The following ATP9B variants were observed in gnomAD, a reference collection of about 807,000 sequenced individuals.
ATP9B encodes the protein ATPase phospholipid transporting 9B.
In ATP9B, 110 loss-of-function variants were observed where a neutral mutation model predicts 146.1. The observed-to-expected ratio is 0.75, with a 90% confidence interval of 0.65 to 0.88. The LOEUF (loss-of-function observed/expected upper bound fraction) is 0.88, where lower values mean the gene tolerates loss of function less well. Among genes scored for constraint, ATP9B ranks in the 40% least tolerant of loss-of-function variants. The pLI is 0.00. For synonymous variants in ATP9B, 604 were observed against 569.7 expected (o/e 1.06, Z -0.86); for missense variants, 1,499 against 1,496.4 (o/e 1.00, Z -0.03).
rs771017994 is a variant in ATP9B, at chr18:79,359,392, T to G, written c.2942T>G (p.Leu981Ter). The change falls in exon 26 of 30, where the codon TTA becomes TGA. Residue 981 changes from leucine to a stop codon, truncating the protein, a stop_gained. Transcript: ENST00000426216. LOFTEE classifies it high-confidence loss of function. ...TACACCATGTTCCCAGTGTTCTCCT[T>G]AGTGCTGGACCAGGACGTGAAGCCA... is the stretch of plus-strand genomic sequence containing the variant. ...TIYTMFPVFS[L>*]VLDQDVKPEM... 6.2e-7 allele frequency: 1 copy of G among 1,614,008 alleles called. No individual in the cohort carries two copies. Among genetic ancestry groups the G allele is most frequent in the South Asian group, 1.1e-5 (1 of 91,084 alleles).
intron 5 of ATP9B, among the ~76,000 whole-genome samples, chr18:79,131,065 G>A (rs1331529699): frequency 6.6e-6 from 1 of 152,182 alleles, no homozygotes; most frequent in Non-Finnish European, 1.5e-5. Context: ...GGAGGCTGAG[G>A]CAGGAGAATC....
intron 7 of ATP9B, among the ~76,000 whole-genome samples, chr18:79,157,396 C>CAAAAAAAAAAAAAAAAAAACAAAAAA (rs2094804216): frequency 2.1e-5 from 1 of 48,596 alleles, no homozygotes. Flanking sequence ...AACTCCATCT[C>CAAAAAAAAAAAAAAAAAAACAAAAAA]AAAAAAAAAA....
In ATP9B at chr18:79,273,196, T is replaced by C. The variant is rs548316437; in HGVS notation, c.1269-3858T>C. Among the ~76,000 whole-genome samples, 484 of 152,212 alleles carry C rather than the reference T, an allele frequency of 3.2e-3. 2 individuals are homozygous for C. The highest frequency in any genetic ancestry group is 0.011 in the African/African-American group (471 of 41,530). On this transcript the variant is annotated intron_variant, in intron 12 of 29. Coordinates refer to ENST00000426216, the MANE Select transcript of ATP9B (RefSeq NM_198531.5). ...CATTGTGTGTCTGTTCATTTCAGGG[T>C]GTTTGTGATGAATCTAAGATATCTC... is the stretch of plus-strand genomic sequence containing the variant.
intron 12 of ATP9B, among the ~76,000 whole-genome samples, chr18:79,275,987 G>A (rs528842055): frequency 3.9e-5 from 6 of 152,198 alleles, no homozygotes; most frequent in Admixed American, 6.5e-5. Context: ...ACTATTTTTC[G>A]AGTGTGTACT....
At chr18:79,236,507 C>T (rs930168688) in intron 11 of ATP9B, among the ~76,000 whole-genome samples, 2 of 152,108 alleles carry the variant, frequency 1.3e-5, no homozygotes, top group African/African-American at 4.8e-5. Context: ...TATTTCTGCA[C>T]TGTAGGTCAT....
At chr18:79,088,792 A>G (rs1407947437) in intron 1 of ATP9B, among the ~76,000 whole-genome samples, 1 of 152,198 alleles carries the variant, frequency 6.6e-6, no homozygotes, top group East Asian at 1.9e-4. Flanking sequence ...TTTCAACATC[A>G]CAGCACAGTG....
intron 13 of ATP9B, among the ~76,000 whole-genome samples, chr18:79,296,347 C>T (rs1161606225): frequency 6.6e-6 from 1 of 152,202 alleles, no homozygotes; most frequent in Non-Finnish European, 1.5e-5. Context: ...GAATTAATAA[C>T]TTAATAACAC....
At position 79,348,115 on chromosome 18, in the gene ATP9B, G is replaced by C. The variant is rs1204436449; in HGVS notation, c.2839-17G>C. On this transcript the variant is annotated splice_polypyrimidine_tract_variant and intron_variant, in intron 24 of 29. Coordinates refer to ENST00000426216, the MANE Select transcript of ATP9B (RefSeq NM_198531.5). ...GTGGAACTGACAGTTGTCTTCGTCT[G>C]TGGGCTCTCTCTCCAGGCTGTGTTT... 6.2e-7 allele frequency: 1 copy of C among 1,614,000 alleles called. No individual in the cohort carries two copies. Among genetic ancestry groups the C allele is most frequent in the African/African-American group, 1.3e-5 (1 of 75,018 alleles).
chr18:79,307,262 C>A, intron 15 of ATP9B, 28 bp downstream of exon 15: 1 of 1,613,134 alleles, frequency 6.2e-7, no homozygotes, highest in Non-Finnish European at 8.5e-7. Context: ...ACCGTGGGAG[C>A]TTGTCCGTTC....
At chr18:79,131,115 C>T (rs932810328) in intron 5 of ATP9B, among the ~76,000 whole-genome samples, 2 of 152,044 alleles carry the variant, frequency 1.3e-5, no homozygotes, top group African/African-American at 4.8e-5. Context: ...GAGCTGAGAT[C>T]GTGCCACTGC....
At chr18:79,170,242 G>A (rs942171299) in intron 7 of ATP9B, among the ~76,000 whole-genome samples, 2 of 152,200 alleles carry the variant, frequency 1.3e-5, no homozygotes, top group African/African-American at 4.8e-5. Flanking sequence ...GGGCCTGGGT[G>A]GCATCGATTC....
At chr18:79,092,517 G>T (rs2074413517) in intron 1 of ATP9B, among the ~76,000 whole-genome samples, 1 of 151,496 alleles carries the variant, frequency 6.6e-6, no homozygotes. Context: ...AAAACTTATT[G>T]ACTTTTTTGT....
At chr18:79,260,261 C>T in intron 12 of ATP9B, among the ~76,000 whole-genome samples, 1 of 152,148 alleles carries the variant, frequency 6.6e-6, no homozygotes, top group South Asian at 2.1e-4. Context: ...CACAAGGCAG[C>T]AGGAGAAAGT....
intron 7 of ATP9B, among the ~76,000 whole-genome samples, chr18:79,162,242 G>A (rs2094894186): frequency 6.6e-6 from 1 of 152,192 alleles, no homozygotes; most frequent in African/African-American, 2.4e-5. Flanking sequence ...GTACAGCATG[G>A]TGGGTTGCTC....
Position 79,235,354 on chromosome 18 carries a change from C to G in ATP9B, c.1108-18027C>G, listed in dbSNP as rs546559149. ...ATCGTAAGCCATAGAGCAATATAAACTAGACTCCCATTCAGCTGTGAAGCT... is the reference window on the plus strand; with the variant it reads ...ATCGTAAGCCATAGAGCAATATAAAGTAGACTCCCATTCAGCTGTGAAGCT... On this transcript the variant is annotated intron_variant, in intron 11 of 29. Coordinates refer to ENST00000426216, the MANE Select transcript of ATP9B (RefSeq NM_198531.5). Among the ~76,000 whole-genome samples, 23 of 152,330 alleles carry G rather than the reference C, an allele frequency of 1.5e-4. No homozygotes were observed. In the South Asian group the frequency reaches 2.3e-3, roughly 15 times the overall value.
intron 13 of ATP9B, among the ~76,000 whole-genome samples, chr18:79,283,981 C>A (rs2096406762): frequency 6.6e-6 from 1 of 152,164 alleles, no homozygotes; most frequent in Admixed American, 6.5e-5. Context: ...TAGAACAAAG[C>A]CGTTACTAAA....
At chr18:79,124,826 A>G (rs1295888641) in intron 4 of ATP9B, among the ~76,000 whole-genome samples, 1 of 152,186 alleles carries the variant, frequency 6.6e-6, no homozygotes, top group African/African-American at 2.4e-5. Flanking sequence ...AAGGAAGCAC[A>G]GTTAGCAGTT....
chr18:79,331,753 A>G (rs1175813039), intron 17 of ATP9B, among the ~76,000 whole-genome samples: 1 of 152,234 alleles, frequency 6.6e-6, no homozygotes, highest in Non-Finnish European at 1.5e-5. Context: ...AACAGAAAGA[A>G]CCAGTTTATG....
At chr18:79,102,071 G>A (rs570198943) in intron 2 of ATP9B, among the ~76,000 whole-genome samples, 20 of 152,002 alleles carry the variant, frequency 1.3e-4, no homozygotes, top group African/African-American at 9.6e-5. Flanking sequence ...TCAGCCTTTC[G>A]AGTAGCTGGG....
Sources: allele counts gnomAD v4.1 joint callset (sites outside exome capture counted in the v4.1 genomes callset), GRCh38; gene constraint gnomAD v4.1.1; transcripts MANE v1.5; gene names NCBI Gene and HGNC (gene_info 2026-07-23, HGNC 2026-07-21).